The following GTF3C5 variants were observed in gnomAD, a reference collection of about 807,000 sequenced individuals.
GTF3C5 encodes general transcription factor IIIC subunit 5, also known as general transcription factor 3C polypeptide 5.
GTF3C5 carries 47 observed loss-of-function variants against 61.0 expected under a neutral mutation model. That is an observed-to-expected ratio of 0.77 (90% CI 0.61 to 0.98). GTF3C5 has a LOEUF of 0.98. GTF3C5 is among the 50% of genes least tolerant of loss of function. GTF3C5 has a pLI of 0.00. For synonymous variants in GTF3C5, 295 were observed against 275.4 expected (o/e 1.07, Z -0.71); for missense variants, 659 against 703.3 (o/e 0.94, Z 0.71).
chr9:133,030,921 C>T (rs969358175), upstream of GTF3C5: 9 of 1,443,010 alleles, frequency 6.2e-6, no homozygotes, highest in African/African-American at 1.1e-4. Context: ...GTGAGGGAGC[C>T]CGGAACGATT....
chr9:133,036,442 G>A (rs1849862625), intron 1 of GTF3C5, among the ~76,000 whole-genome samples: 1 of 152,136 alleles, frequency 6.6e-6, no homozygotes, highest in South Asian at 2.1e-4. Context: ...TAGCCGCAAT[G>A]GATTGAATAC....
At chr9:133,040,943 A>G (rs891207817) in intron 1 of GTF3C5, among the ~76,000 whole-genome samples, 2 of 152,262 alleles carry the variant, frequency 1.3e-5, no homozygotes, top group Non-Finnish European at 2.9e-5. Flanking sequence ...CTTTATTCCA[A>G]TATTATAATA....
At position 133,031,184 on chromosome 9, in the gene GTF3C5, G is replaced by A. The variant is rs1472649796; in HGVS notation, c.153+20G>A. The A allele has an allele frequency of 3.2e-6, 5 of 1,546,304 alleles. No homozygotes were observed. The highest frequency in any genetic ancestry group is 4.4e-6 in the Non-Finnish European group (5 of 1,145,598). ...TCCCGGGTAAGGGGCTGGGAATCTC[G>A]GTGTTGGAATAAGAGCTCGGAGTCG... On this transcript the variant is annotated intron_variant, in intron 1 of 10. Transcript: ENST00000372097.
chr9:133,056,224 G>C, intron 9 of GTF3C5, 130 bp downstream of exon 9: 1 of 741,948 alleles, frequency 1.3e-6, no homozygotes, highest in Non-Finnish European at 2.2e-6. Flanking sequence ...CTGGGAGTTT[G>C]GTGCTGCCGA....
At chr9:133,054,332 T>C in intron 6 of GTF3C5, 76 bp from the exon 7 acceptor site, 1 of 1,247,612 alleles carries the variant, frequency 8.0e-7, no homozygotes, top group Non-Finnish European at 1.2e-6. Context: ...CCAACTCCCA[T>C]CTCCAGTGTG....
At chr9:133,035,801 A>G (rs1285237476) in intron 1 of GTF3C5, among the ~76,000 whole-genome samples, 1 of 152,178 alleles carries the variant, frequency 6.6e-6, no homozygotes, top group Non-Finnish European at 1.5e-5. Context: ...CATGGACAGT[A>G]GCTATTTCTT....
At chr9:133,055,723 G>A in intron 8 of GTF3C5, 1 of 1,289,430 alleles carries the variant, frequency 7.8e-7, no homozygotes, top group Non-Finnish European at 9.9e-7. Context: ...CAAGGCTAGT[G>A]CCAGCCCCAT....
rs138336301 is a variant in GTF3C5 at position 133,054,487 on chromosome 9, A to G, written c.1068A>G (p.Thr356=). 8 of 1,613,870 alleles carry G rather than the reference A, an allele frequency of 5.0e-6. No individual in the cohort carries two copies. The African/African-American group carries it at 5.3e-5, about 11-fold the overall frequency. ...GCCTCCCCATCACCGTCAAGAAGAC[A>G]TGTAAGCGTGCCAGGCGCCTTTTGT... The part of the protein sequence containing the change: ...NYSLPITVKK[T]SSQLVTMHDL... The change falls in exon 7 of 11, where the codon ACA becomes ACG. Residue 356 remains threonine (T), a splice_region_variant and synonymous_variant. Coordinates refer to ENST00000372097, the MANE Select transcript of GTF3C5 (RefSeq NM_012087.4).
At chr9:133,045,227 G>A (rs1271777599) in intron 3 of GTF3C5, among the ~76,000 whole-genome samples, 1 of 152,210 alleles carries the variant, frequency 6.6e-6, no homozygotes, top group African/African-American at 2.4e-5. Flanking sequence ...CAGCAGCGCT[G>A]TGAGTGCATC....
intron 1 of GTF3C5, 32 bp from the exon 2 acceptor site, chr9:133,042,055 G>C: frequency 1.3e-6 from 2 of 1,513,406 alleles, no homozygotes; most frequent in Non-Finnish European, 1.8e-6. Context: ...GCTTGTCATT[G>C]CTTCACTCTG....
At chr9:133,051,035 T>G (rs1850357515) in intron 4 of GTF3C5, 57 bp downstream of exon 4, 2 of 1,350,608 alleles carry the variant, frequency 1.5e-6, no homozygotes, top group African/African-American at 2.9e-5. Flanking sequence ...TGGCTTCCCG[T>G]GTTTACCCAG....
intron 3 of GTF3C5, among the ~76,000 whole-genome samples, chr9:133,048,800 G>A (rs1037519629): frequency 1.3e-5 from 2 of 152,200 alleles, no homozygotes; most frequent in African/African-American, 4.8e-5. Flanking sequence ...TGAGGGAGGA[G>A]GGCCAGCTGC....
intron 1 of GTF3C5, among the ~76,000 whole-genome samples, chr9:133,034,661 C>G (rs1226680142): frequency 6.6e-6 from 1 of 152,058 alleles, no homozygotes; most frequent in Non-Finnish European, 1.5e-5. Context: ...AGATAAGGCC[C>G]TTCCCAAGCT....
rs1167565225 is a variant in GTF3C5, at chr9:133,050,824, T to A, written c.614T>A (p.Ile205Asn). The A allele has an allele frequency of 6.2e-7, 1 of 1,613,986 alleles. No individual in the cohort carries two copies. Among genetic ancestry groups the A allele is most frequent in the Non-Finnish European group, 8.5e-7 (1 of 1,179,936 alleles). ...NNPPISGENL[I>N]GLSRARRPHN... ...CCCCCCATCTCAGGTGAGAATCTGA[T>A]TGGCCTGAGCAGAGCCCGGCGCCCC... Residue 205 changes from isoleucine to asparagine, a missense_variant, in exon 4 of 11, where the codon ATT becomes AAT. Physicochemically the swap from Ile to Asn is moderately radical, Grantham distance 149. Coordinates refer to ENST00000372097, the MANE Select transcript of GTF3C5 (RefSeq NM_012087.4).
At chr9:133,032,400 G>A (rs376585770) in intron 1 of GTF3C5, among the ~76,000 whole-genome samples, 2 of 152,082 alleles carry the variant, frequency 1.3e-5, no homozygotes, top group Non-Finnish European at 2.9e-5. Context: ...TAGTTTCGGC[G>A]GGAAGGGCAG....
At chr9:133,057,402 T>A (rs541041792) in intron 10 of GTF3C5, among the ~76,000 whole-genome samples, 3 of 152,064 alleles carry the variant, frequency 2.0e-5, no homozygotes, top group Non-Finnish European at 4.4e-5. Flanking sequence ...AGAGGCCCCC[T>A]CTCTCAGGGA....
chr9:133,041,845 C>T (rs1850049246), intron 1 of GTF3C5, among the ~76,000 whole-genome samples: 1 of 152,174 alleles, frequency 6.6e-6, no homozygotes, highest in Non-Finnish European at 1.5e-5. Flanking sequence ...ACCGAGCAGG[C>T]ACTTGATGGA....
rs948511938 is a variant in GTF3C5 at position 133,031,038 on chromosome 9, G to C, written c.27G>C (p.Gly9=). Residue 9 remains glycine (G), a synonymous_variant, in exon 1 of 11, where the codon GGG becomes GGC. Coordinates refer to ENST00000372097, the MANE Select transcript of GTF3C5 (RefSeq NM_012087.4). ...TGGCGGCGGAGGCGGCCGATTTGGG[G>C]CTGGGGGCCGCCGTCCCCGTGGAGC... MAAEAADL[G]LGAAVPVELR... is the part of the protein sequence containing the mutation. The C allele has an allele frequency of 1.5e-5, 24 of 1,612,046 alleles. No homozygotes were observed. Among genetic ancestry groups the C allele is most frequent in the Middle Eastern group, 1.6e-4 (1 of 6,076 alleles).
At chr9:133,047,029 C>T (rs181668185) in intron 3 of GTF3C5, among the ~76,000 whole-genome samples, 4 of 152,234 alleles carry the variant, frequency 2.6e-5, no homozygotes, top group South Asian at 2.1e-4. Flanking sequence ...GTAGCCCCCA[C>T]GTGCCCATCA....
Sources: gnomAD v4.1 joint callset for allele counts (sites outside exome capture counted in the v4.1 genomes callset) on GRCh38, gnomAD v4.1.1 for gene constraint, MANE v1.5 for transcripts, NCBI Gene and HGNC (gene_info 2026-07-23, HGNC 2026-07-21) for gene names.